The following RFX8 variants were observed in gnomAD, a reference collection of about 807,000 sequenced individuals.
RFX8 encodes regulatory factor X8.
RFX8 carries 46 observed loss-of-function variants against 54.6 expected under a neutral mutation model. The observed-to-expected ratio is 0.84, with a 90% CI of 0.67 to 1.08. RFX8 has a LOEUF of 1.08. Ranked by LOEUF, RFX8 falls within the 50% of genes least tolerant of loss-of-function variation. The probability of loss-of-function intolerance (pLI) is 0.00; values close to 1 mark genes in which losing one functional copy is unlikely to be tolerated. For synonymous variants in RFX8, 192 were observed against 209.5 expected, an observed-to-expected ratio of 0.92 and a Z score of 0.72; for missense variants, 536 against 562.3, an observed-to-expected ratio of 0.95 and a Z score of 0.47.
chr2:101,438,039 CT>C (rs1553455989), intron 2 of RFX8, among the ~76,000 whole-genome samples: 4 of 10,738 alleles, frequency 3.7e-4, no homozygotes, highest in South Asian at 4.0e-3. Context: ...GTTTGTTCCT[CT>C]TTTTTTTTAA....
At chr2:101,456,280 T>G (rs545321051) in intron 2 of RFX8, among the ~76,000 whole-genome samples, 3 of 152,336 alleles carry the variant, frequency 2.0e-5, no homozygotes, top group African/African-American at 7.2e-5. Flanking sequence ...AGGGCATCCT[T>G]GTCTTGTGCC....
Position 101,410,603 on chromosome 2 carries a change from A to C in RFX8, c.813+16T>G. The stretch of plus-strand genomic sequence containing the variant: ...GGTCAACACACTTTTTTTTTTTTTA[A>C]GTCACAGCTTCCTACCTGGAACACA... On this transcript the variant is annotated intron_variant, in intron 9 of 11. Coordinates refer to ENST00000428343, the MANE Select transcript of RFX8 (RefSeq NM_001145664.2). 1 of 1,367,904 alleles carries C rather than the reference A, an allele frequency of 7.3e-7. No homozygotes were observed. Among genetic ancestry groups the C allele is most frequent in the Non-Finnish European group, 1.0e-6 (1 of 997,616 alleles). The allele number at this position is 1,367,904 out of a possible 1,614,324, so 84.7% of individuals were successfully genotyped here. A position where few individuals can be genotyped will look rare whatever the true frequency, so the allele number is the denominator to read the frequency against.
rs1685500276 is a variant in RFX8, at chr2:101,402,585, A to C, written c.1096T>G (p.Ser366Ala). 1.3e-6 allele frequency: 2 copies of C among 1,551,968 alleles called. No individual in the cohort carries two copies. Among genetic ancestry groups the C allele is most frequent in the Non-Finnish European group, 1.7e-6 (2 of 1,147,052 alleles). ...CTGGCACACGCCTGCGACAGTGAGG[A>C]ATTCAGAGAATGGAAAAGTGCCTGG... is the stretch of plus-strand genomic sequence containing the variant. ...PDQALFHSLNSSLSQACASPS... is the reference protein window; with the variant it reads ...PDQALFHSLNASLSQACASPS... The change falls in exon 11 of 12, where the codon TCC (serine) becomes GCC (alanine). Residue 366 changes from serine to alanine, a missense_variant. Ser to Ala is a moderately conservative substitution (Grantham distance 99). Coordinates refer to ENST00000428343, the MANE Select transcript of RFX8 (RefSeq NM_001145664.2).
intron 2 of RFX8, among the ~76,000 whole-genome samples, chr2:101,453,064 A>G (rs1203856542): frequency 9.7e-6 from 1 of 102,870 alleles, no homozygotes; most frequent in Non-Finnish European, 2.1e-5. Context: ...GTGAGCCGAG[A>G]TCGCACCACT....
Position 101,429,075 on chromosome 2 carries a change from A to G in RFX8, c.73-6603T>C, listed in dbSNP as rs890720127. 1.6e-5 allele frequency: 17 copies of G among 1,065,018 alleles called. 1 individual carries two copies. The South Asian group carries it at 2.3e-4, about 14-fold the overall frequency. The allele number at this position is 1,065,018 out of a possible 1,614,324, so 66.0% of individuals were successfully genotyped here. A position where few individuals can be genotyped will look rare whatever the true frequency, so the allele number is the denominator to read the frequency against. ...TTTAGCAAGACACCTGTCTCTGAGC[A>G]GAAGCACGAAGTTTCTTTTGCAGCA... On this transcript the variant is annotated intron_variant, in intron 2 of 11. Transcript: ENST00000428343.
At chr2:101,457,513 C>A (rs1689041691) in intron 2 of RFX8, among the ~76,000 whole-genome samples, 1 of 152,116 alleles carries the variant, frequency 6.6e-6, no homozygotes, top group South Asian at 2.1e-4. Context: ...TGTAGCTGTG[C>A]AATTTTGAGT....
At position 101,474,851 on chromosome 2, in the gene RFX8, G is replaced by A. The variant is rs370890012; in HGVS notation, c.-268C>T. 1.5e-4 allele frequency: 22 copies of A among 144,918 alleles called. No individual in the cohort carries two copies. The highest frequency in any genetic ancestry group is 5.6e-4 in the African/African-American group (22 of 39,480). 9.0% of individuals were successfully genotyped at this position (144,918 alleles called of 1,614,324 possible). A position where few individuals can be genotyped will look rare whatever the true frequency, so the allele number is the denominator to read the frequency against. On this transcript the variant is annotated 5_prime_UTR_variant, in exon 1 of 12. Coordinates refer to ENST00000428343, the MANE Select transcript of RFX8 (RefSeq NM_001145664.2). ...TTTCAGGGTCCCGGGTGATGCTAAT[G>A]TGCCCGCCGTTGCTGAAAACCACTG...
At chr2:101,428,971 G>A (rs748536097) in intron 2 of RFX8, 35 of 1,530,682 alleles carry the variant, frequency 2.3e-5, no homozygotes, top group Non-Finnish European at 2.9e-5. Flanking sequence ...CTTCTTGTTG[G>A]ATAATGCTGT....
At chr2:101,421,128 A>G (rs1240425233) in intron 4 of RFX8, 1 of 404,964 alleles carries the variant, frequency 2.5e-6, no homozygotes, top group Admixed American at 6.4e-5. Flanking sequence ...GTGCTGAATG[A>G]GCGTTATCAC....
chr2:101,415,453 T>C (rs1016970412), intron 6 of RFX8, among the ~76,000 whole-genome samples: 3 of 152,328 alleles, frequency 2.0e-5, no homozygotes, highest in South Asian at 4.1e-4. Flanking sequence ...GTTTATATAC[T>C]GCCACCTAGT....
intron 9 of RFX8, 53 bp from the exon 10 acceptor site, chr2:101,406,110 C>G (rs1685719342): frequency 1.9e-6 from 2 of 1,049,262 alleles, no homozygotes; most frequent in Admixed American, 2.4e-5. Context: ...AATCAAGAAG[C>G]ATAGTATGTT....
rs541436594 is a variant in RFX8, at chr2:101,410,351, C to T, written c.813+268G>A. ...ACACATGCTCATCACAGGCTCGCCCCTCCACACACACTCCCACACACCCAA... is the reference window on the plus strand; with the variant it reads ...ACACATGCTCATCACAGGCTCGCCCTTCCACACACACTCCCACACACCCAA... On this transcript the variant is annotated intron_variant, in intron 9 of 11. Coordinates refer to ENST00000428343, the MANE Select transcript of RFX8 (RefSeq NM_001145664.2). 8.6e-5 allele frequency among the ~76,000 whole-genome samples: 13 copies of T among 150,720 alleles called. No individual in the cohort carries two copies. The East Asian group carries it at 2.6e-3, about 30-fold the overall frequency.
rs965950022 is a variant in RFX8 at position 101,402,814 on chromosome 2, G to C, written c.929-62C>G. Reference sequence around the variant, plus strand: ...ATCGACAGACAATAAACAAATCATTGTGAAACTAACAACTTTTCTGGGGCT... The same window carrying C: ...ATCGACAGACAATAAACAAATCATTCTGAAACTAACAACTTTTCTGGGGCT... On this transcript the variant is annotated intron_variant, in intron 10 of 11. Transcript: ENST00000428343. 10 of 1,427,160 alleles carry C rather than the reference G, an allele frequency of 7.0e-6. No homozygotes were observed. The African/African-American group carries it at 1.4e-4, about 20-fold the overall frequency. The allele number at this position is 1,427,160 out of a possible 1,614,324, so 88.4% of individuals were successfully genotyped here.
intron 1 of RFX8, chr2:101,474,236 C>A: frequency 1.6e-6 from 1 of 620,928 alleles, no homozygotes; most frequent in Non-Finnish European, 2.9e-6. Flanking sequence ...CCCCGGCTAC[C>A]CTCGCCGCTC....
intron 2 of RFX8, among the ~76,000 whole-genome samples, chr2:101,446,633 C>A (rs1688397160): frequency 6.6e-6 from 1 of 152,154 alleles, no homozygotes. Context: ...TTCCTTCCCC[C>A]ACAAAGGACA....
chr2:101,443,211 GT>G (rs1277245436), intron 2 of RFX8, among the ~76,000 whole-genome samples: 2 of 152,088 alleles, frequency 1.3e-5, no homozygotes, highest in Non-Finnish European at 2.9e-5. Context: ...ACAGTCCTGG[GT>G]CCCAAACCAG....
intron 1 of RFX8, among the ~76,000 whole-genome samples, chr2:101,472,757 C>G (rs1690081280): frequency 1.3e-5 from 2 of 152,192 alleles, no homozygotes; most frequent in Admixed American, 1.3e-4. Context: ...GTGGCTCACA[C>G]CTGTAATCCC....
intron 2 of RFX8, among the ~76,000 whole-genome samples, chr2:101,462,622 T>C (rs1361802184): frequency 5.3e-5 from 8 of 152,186 alleles, no homozygotes; most frequent in Non-Finnish European, 1.2e-4. Context: ...TTTACATGTG[T>C]TTTCTCATTC....
intron 9 of RFX8, among the ~76,000 whole-genome samples, chr2:101,410,417 A>ATACT (rs1686054468): frequency 1.4e-5 from 2 of 147,918 alleles, no homozygotes; most frequent in African/African-American, 5.1e-5. Flanking sequence ...ACACACACAC[A>ATACT]CTTATGTGAT....
Sources: gnomAD v4.1 joint callset for allele counts (sites outside exome capture counted in the v4.1 genomes callset) on GRCh38, gnomAD v4.1.1 for gene constraint, MANE v1.5 for transcripts, NCBI Gene and HGNC (gene_info 2026-07-23, HGNC 2026-07-21) for gene names.